Variants in PROS1 observed in about 807,000 individuals in gnomAD.
PROS1 encodes protein S.
PROS1 carries 29 observed loss-of-function variants against 75.9 expected under a neutral mutation model. The observed-to-expected ratio is 0.38, with a 90% confidence interval of 0.28 to 0.52. PROS1 has a LOEUF of 0.52. Among genes scored for constraint, PROS1 ranks in the 20% least tolerant of loss-of-function variants. The pLI is 0.83. For missense variants in PROS1, 680 were observed against 810.3 expected, an observed-to-expected ratio of 0.84 and a Z score of 1.95; for synonymous variants, 245 against 280.6, an observed-to-expected ratio of 0.87 and a Z score of 1.27.
intron 8 of PROS1, among the ~76,000 whole-genome samples, chr3:93,897,056 T>G (rs1474786995): frequency 6.6e-6 from 1 of 152,146 alleles, no homozygotes; most frequent in Non-Finnish European, 1.5e-5. Flanking sequence ...GAATTATGTC[T>G]GAAAATTATT....
intron 3 of PROS1, among the ~76,000 whole-genome samples, chr3:93,915,040 C>A (rs1708820680): frequency 6.6e-6 from 1 of 152,192 alleles, no homozygotes; most frequent in South Asian, 2.1e-4. Context: ...GTTTGCTCTC[C>A]TAAAGACCTT....
intron 6 of PROS1, among the ~76,000 whole-genome samples, chr3:93,902,047 C>A (rs1442761993): frequency 6.6e-6 from 1 of 152,078 alleles, no homozygotes; most frequent in Non-Finnish European, 1.5e-5. Context: ...GGCACAGCAG[C>A]AGTGCTGTAA....
rs1037774470 is a variant in PROS1 at position 93,874,106 on chromosome 3, A to G, written c.*139T>C. ...CACAACAGAATTTTTTTCCTTGACA[A>G]AGGACCTTTTAAAAATCCCAGGAAA... On this transcript the variant is annotated 3_prime_UTR_variant, in exon 15 of 15. Coordinates refer to ENST00000394236, the MANE Select transcript of PROS1 (RefSeq NM_000313.4). 2 of 1,021,976 alleles carry G rather than the reference A, an allele frequency of 2.0e-6. No individual in the cohort carries two copies. Among genetic ancestry groups the G allele is most frequent in the South Asian group, 1.6e-5 (1 of 60,636 alleles). The allele number at this position is 1,021,976 out of a possible 1,614,324, so 63.3% of individuals were successfully genotyped here. A position where few individuals can be genotyped will look rare whatever the true frequency, so the allele number is the denominator to read the frequency against.
intron 1 of PROS1, among the ~76,000 whole-genome samples, chr3:93,959,882 G>T (rs1353180912): frequency 6.6e-6 from 1 of 152,126 alleles, no homozygotes; most frequent in Non-Finnish European, 1.5e-5. Context: ...TACATTAATA[G>T]CCAACTCAGT....
At chr3:93,937,176 C>A (rs1339410082) in intron 1 of PROS1, among the ~76,000 whole-genome samples, 11 of 152,076 alleles carry the variant, frequency 7.2e-5, no homozygotes, top group Non-Finnish European at 1.5e-5. Flanking sequence ...GTTTCTGTCC[C>A]TTTTAAGGGC....
intron 3 of PROS1, among the ~76,000 whole-genome samples, chr3:93,913,223 C>A (rs1349009219): frequency 3.3e-5 from 5 of 152,080 alleles, no homozygotes; most frequent in Admixed American, 6.6e-5. Flanking sequence ...GAAGAAGATG[C>A]CTTGCTTCCT....
rs887957345 is a variant in PROS1 at position 93,910,503 on chromosome 3, T to A, written c.346+116A>T. The A allele has an allele frequency of 5.9e-5, 50 of 840,386 alleles. No homozygotes were observed. In the Admixed American group the frequency reaches 9.9e-4, roughly 17 times the overall value. 52.1% of individuals were successfully genotyped at this position (840,386 alleles called of 1,614,324 possible). On this transcript the variant is annotated intron_variant, in intron 4 of 14. Transcript: ENST00000394236. ...TTTGAAAATACTTCCTTGCTGGGCATACAACCCATCAAAGGATCATTTCTC... is the reference window on the plus strand; with the variant it reads ...TTTGAAAATACTTCCTTGCTGGGCAAACAACCCATCAAAGGATCATTTCTC...
intron 8 of PROS1, among the ~76,000 whole-genome samples, chr3:93,897,957 G>C (rs192072715): frequency 1.4e-4 from 21 of 152,112 alleles, no homozygotes; most frequent in Admixed American, 7.9e-4. Flanking sequence ...CTAAATCCTA[G>C]AAATGGTTAA....
intron 1 of PROS1, among the ~76,000 whole-genome samples, chr3:93,954,434 C>G (rs1232915765): frequency 2.0e-5 from 3 of 152,090 alleles, no homozygotes. Context: ...CATCTACAAC[C>G]ACCTGATCTT....
At chr3:93,895,775 G>C (rs983196791) in intron 9 of PROS1, among the ~76,000 whole-genome samples, 1 of 152,038 alleles carries the variant, frequency 6.6e-6, no homozygotes, top group African/African-American at 2.4e-5. Context: ...GACAACCCTG[G>C]GCAACGTGGT....
rs150729437 is a variant in PROS1 at position 93,949,465 on chromosome 3, C to T, written c.77-22058G>A. 1.1e-4 allele frequency among the ~76,000 whole-genome samples: 16 copies of T among 152,080 alleles called. No individual in the cohort carries two copies. The East Asian group carries it at 2.9e-3, about 28-fold the overall frequency. On this transcript the variant is annotated intron_variant, in intron 1 of 14. Transcript: ENST00000394236. The stretch of plus-strand genomic sequence containing the variant: ...AAGAAAAATACAAAAACAGATTTGG[C>T]TCATAAATAGCAAAAATGTCTGCAT...
In PROS1 at chr3:93,886,507, C is replaced by T. The variant is rs994196531; in HGVS notation, c.1156-4G>A. The T allele has an allele frequency of 3.7e-6, 6 of 1,600,666 alleles. No homozygotes were observed. Among genetic ancestry groups the T allele is most frequent in the Non-Finnish European group, 5.1e-6 (6 of 1,168,310 alleles). On this transcript the variant is annotated splice_polypyrimidine_tract_variant and splice_region_variant and intron_variant, in intron 10 of 14. Transcript: ENST00000394236. ...GTTCTAATTCTTCCACAGACACCTA[C>T]AATTAAAAAGAAAAATTACCAAATA... is the stretch of plus-strand genomic sequence containing the variant.
chr3:93,912,034 T>A (rs1423444924), intron 3 of PROS1, among the ~76,000 whole-genome samples: 1 of 152,238 alleles, frequency 6.6e-6, no homozygotes, highest in Non-Finnish European at 1.5e-5. Flanking sequence ...CTATGGCTGC[T>A]ATGACAAATT....
intron 3 of PROS1, among the ~76,000 whole-genome samples, chr3:93,912,996 T>C (rs1459149397): frequency 6.6e-6 from 1 of 152,218 alleles, no homozygotes; most frequent in African/African-American, 2.4e-5. Context: ...GTAGTCCTGA[T>C]ATGGTTTAGC....
chr3:93,918,037 A>G (rs1708886108), intron 3 of PROS1, among the ~76,000 whole-genome samples: 1 of 152,200 alleles, frequency 6.6e-6, no homozygotes. Flanking sequence ...GGGTTAAGCC[A>G]GCTGCGCTCC....
At chr3:93,963,695 G>A (rs1223000476) in intron 1 of PROS1, among the ~76,000 whole-genome samples, 39 of 126,682 alleles carry the variant, frequency 3.1e-4, no homozygotes, top group Admixed American at 1.1e-3. Flanking sequence ...ATGGGAGCGC[G>A]AGCTAGAAGG....
intron 1 of PROS1, among the ~76,000 whole-genome samples, chr3:93,943,929 CA>C (rs1709336736): frequency 2.6e-5 from 4 of 152,170 alleles, no homozygotes; most frequent in Admixed American, 2.6e-4. Flanking sequence ...ACTACCTACC[CA>C]AATCCTATAA....
intron 7 of PROS1, among the ~76,000 whole-genome samples, chr3:93,899,577 C>A (rs1458136065): frequency 1.3e-5 from 2 of 152,124 alleles, no homozygotes; most frequent in African/African-American, 4.8e-5. Context: ...ACGGTAATTT[C>A]TATCTGCAAT....
At chr3:93,969,631 A>C (rs1188343742) in intron 1 of PROS1, among the ~76,000 whole-genome samples, 1 of 152,176 alleles carries the variant, frequency 6.6e-6, no homozygotes, top group Non-Finnish European at 1.5e-5. Flanking sequence ...AAGTACTGTC[A>C]CATGAGTTCC....
Sources: allele counts gnomAD v4.1 joint callset (sites outside exome capture counted in the v4.1 genomes callset), GRCh38; gene constraint gnomAD v4.1.1; transcripts MANE v1.5; gene names NCBI Gene and HGNC (gene_info 2026-07-23, HGNC 2026-07-21).